ZNF358: variants seen among roughly 807,000 people sequenced by gnomAD.
ZNF358 encodes zinc finger protein 358.
ZNF358 carries 1 observed loss-of-function variant against 2.1 expected under a neutral mutation model. The observed-to-expected ratio is 0.49, with a 90% CI of 0.17 to 2.30. The LOEUF (loss-of-function observed/expected upper bound fraction) is 2.30, where lower values mean the gene tolerates loss of function less well. Among genes scored for constraint, ZNF358 ranks in the 30% most tolerant of loss-of-function variants. The probability of loss-of-function intolerance (pLI) is 0.26; values close to 1 mark genes in which losing one functional copy is unlikely to be tolerated. For missense variants in ZNF358, 665 were observed against 806.8 expected (o/e 0.82, Z 2.13); for synonymous variants, 381 against 359.7 (o/e 1.06, Z -0.67).
chr19:7,516,623 C>T lies in ZNF358; in HGVS notation c.-39+374C>T, dbSNP rs775897750. ...GATTCGAGGTATTGTTCCCACCTCC[C>T]GCCTGGGGTCTGGAGTTCAGGAGGC... On this transcript the variant is annotated intron_variant, in intron 1 of 1. Coordinates refer to ENST00000597229, the MANE Select transcript of ZNF358 (RefSeq NM_018083.5). This position sits in a 1 kb window ranked among gnomAD's most constrained non-coding sequence, Gnocchi z 5.9. Among the ~76,000 whole-genome samples the T allele has an allele frequency of 4.6e-5, 7 of 151,868 alleles. No individual in the cohort carries two copies. The highest frequency in any genetic ancestry group is 6.6e-5 in the Admixed American group (1 of 15,266).
upstream of ZNF358, among the ~76,000 whole-genome samples, chr19:7,514,791 C>T (rs527679120): frequency 2.6e-5 from 4 of 152,284 alleles, no homozygotes; most frequent in African/African-American, 9.6e-5. Flanking sequence ...TGCCACCACG[C>T]CTGGCTAATC....
Position 7,519,682 on chromosome 19 carries a change from C to T in ZNF358, c.440C>T (p.Pro147Leu), listed in dbSNP as rs1356399025. 5.1e-6 allele frequency: 8 copies of T among 1,581,750 alleles called. No individual in the cohort carries two copies. The highest frequency in any genetic ancestry group is 6.0e-6 in the Non-Finnish European group (7 of 1,171,474). ...GCGGTGCTCCCCGCCCCCGCCAGCC[C>T]GCCCCGGCCCTTCTCCTGCCCGGAT... The part of the protein sequence containing the change: ...SPAVLPAPAS[P>L]PRPFSCPDCG... The change falls in exon 2 of 2, where the codon CCG (proline) becomes CTG (leucine). Residue 147 changes from proline (P) to leucine (L), a missense_variant. Pro to Leu is a moderately conservative substitution (Grantham distance 98). Coordinates refer to ENST00000597229, the MANE Select transcript of ZNF358 (RefSeq NM_018083.5).
chr19:7,519,293 C>T lies in ZNF358; in HGVS notation c.51C>T (p.Pro17=). 1.2e-6 allele frequency: 2 copies of T among 1,614,028 alleles called. No homozygotes were observed. The highest frequency in any genetic ancestry group is 1.7e-6 in the Non-Finnish European group (2 of 1,180,002). The change falls in exon 2 of 2, where the codon CCC becomes CCT. Residue 17 remains proline, a synonymous_variant. Coordinates refer to ENST00000597229, the MANE Select transcript of ZNF358 (RefSeq NM_018083.5). ...VRNPGHKGLR[P]VYEELDSDSE... Reference sequence around the variant, plus strand: ...ACCCAGGCCACAAAGGCCTGAGACCCGTTTATGAAGAGCTCGACTCTGACT... The same window carrying T: ...ACCCAGGCCACAAAGGCCTGAGACCTGTTTATGAAGAGCTCGACTCTGACT...
chr19:7,520,599 A>G lies in ZNF358; in HGVS notation c.1357A>G (p.Ser453Gly). ...TGTGCTCGGCTCTGGCTTGGGCCTC[A>G]GCCCTGGCACCAGCTCTGGCCGCAA... is the stretch of plus-strand genomic sequence containing the variant. ...VSVLGSGLGL[S>G]PGTSSGRNPD... Residue 453 changes from serine to glycine, a missense_variant, in exon 2 of 2, where the codon AGC becomes GGC. Ser to Gly is a moderately conservative substitution (Grantham distance 56). Transcript: ENST00000597229. The surrounding 1 kb of genome is among the most constrained non-coding windows in gnomAD (Gnocchi z 6.0). 7.0e-7 allele frequency: 1 copy of G among 1,429,954 alleles called. No homozygotes were observed. Among genetic ancestry groups the G allele is most frequent in the African/African-American group, 1.4e-5 (1 of 70,598 alleles). 88.6% of individuals were successfully genotyped at this position (1,429,954 alleles called of 1,614,324 possible).
chr19:7,514,047 A>G (rs2022305170), upstream of ZNF358: 2 of 152,230 alleles, frequency 1.3e-5, no homozygotes, highest in South Asian at 4.1e-4. Context: ...AGCCAGAGCT[A>G]TCTCTCTGAC....
chr19:7,514,148 C>T (rs1307910612), upstream of ZNF358: 1 of 152,314 alleles, frequency 6.6e-6, no homozygotes, highest in East Asian at 1.9e-4. Context: ...AGAATGAGCC[C>T]CCTGTGGCTC....
In ZNF358 at chr19:7,519,872, G is replaced by A. The variant is rs1239145660; in HGVS notation, c.630G>A (p.Ala210=). The A allele has an allele frequency of 1.3e-6, 2 of 1,530,832 alleles. No individual in the cohort carries two copies. Among genetic ancestry groups the A allele is most frequent in the Non-Finnish European group, 1.7e-6 (2 of 1,145,026 alleles). 94.8% of individuals were successfully genotyped at this position (1,530,832 alleles called of 1,614,324 possible). A position where few individuals can be genotyped will look rare whatever the true frequency, so the allele number is the denominator to read the frequency against. The change falls in exon 2 of 2, where the codon GCG becomes GCA. Residue 210 remains alanine (A), a synonymous_variant. Coordinates refer to ENST00000597229, the MANE Select transcript of ZNF358 (RefSeq NM_018083.5). ...IHTGARPYQC[A]ACGKAFGWRS... ...CTGGGGCGCGGCCGTACCAGTGCGC[G>A]GCCTGCGGCAAGGCCTTCGGCTGGC...
upstream of ZNF358, among the ~76,000 whole-genome samples, chr19:7,514,843 G>A (rs570600932): frequency 6.6e-6 from 1 of 152,282 alleles, no homozygotes; most frequent in Non-Finnish European, 1.5e-5. Flanking sequence ...ATGCTGGCCA[G>A]GCTGGTCTCA....
chr19:7,515,689 G>C (rs529083798), upstream of ZNF358, among the ~76,000 whole-genome samples: 3 of 152,190 alleles, frequency 2.0e-5, no homozygotes, highest in South Asian at 4.1e-4. Context: ...GACAGACACA[G>C]AGAGAGATAG....
chr19:7,518,324 G>A (rs1167227049), intron 1 of ZNF358, among the ~76,000 whole-genome samples: 3 of 152,042 alleles, frequency 2.0e-5, no homozygotes, highest in Middle Eastern at 6.8e-3. Flanking sequence ...AAGTGAGTGG[G>A]GTTTGGCCAG....
Position 7,520,351 on chromosome 19 carries a change from C to T in ZNF358, c.1109C>T (p.Ser370Leu), listed in dbSNP as rs759381942. The change falls in exon 2 of 2, where the codon TCG (serine) becomes TTG (leucine). Residue 370 changes from serine (S) to leucine (L), a missense_variant. This residue lies in a region of ZNF358 where 210 missense variants were observed against 350.8 expected (regional missense o/e 0.60). Transcript: ENST00000597229. The surrounding 1 kb of genome is among the most constrained non-coding windows in gnomAD (Gnocchi z 6.0). ...SALLQHLHVH[S>L]GERPYRCQLC... is the part of the protein sequence containing the mutation. ...CTGCTCCAGCACCTGCACGTGCATT[C>T]GGGCGAGCGTCCCTATCGCTGTCAG... is the stretch of plus-strand genomic sequence containing the variant. 1.2e-6 allele frequency: 2 copies of T among 1,612,328 alleles called. No individual in the cohort carries two copies. Among genetic ancestry groups the T allele is most frequent in the Non-Finnish European group, 1.7e-6 (2 of 1,179,686 alleles).
chr19:7,518,553 GAGAGAGAA>G (rs1377842652), intron 1 of ZNF358, among the ~76,000 whole-genome samples: 22 of 22,574 alleles, frequency 9.7e-4, no homozygotes, highest in African/African-American at 4.6e-3. Flanking sequence ...GAAAGAGAGA[GAGAGAGAA>G]AGAAAGAAAG....
Position 7,516,875 on chromosome 19 carries a change from C to T in ZNF358, c.-39+626C>T, listed in dbSNP as rs1467824397. Among the ~76,000 whole-genome samples, 5 of 152,106 alleles carry T rather than the reference C, an allele frequency of 3.3e-5. No individual in the cohort carries two copies. The highest frequency in any genetic ancestry group is 5.9e-5 in the Non-Finnish European group (4 of 68,002). ...TTAAGAGATGGGAATTCAGGGGGCT[C>T]CTTCCCCTGGAGGCAATCTAAGGGT... On this transcript the variant is annotated intron_variant, in intron 1 of 1. Coordinates refer to ENST00000597229, the MANE Select transcript of ZNF358 (RefSeq NM_018083.5). This position sits in a 1 kb window ranked among gnomAD's most constrained non-coding sequence, Gnocchi z 5.9.
chr19:7,518,551 G>GAA (rs1282400145), intron 1 of ZNF358, among the ~76,000 whole-genome samples: 40 of 133,828 alleles, frequency 3.0e-4, no homozygotes, highest in South Asian at 2.7e-3. Flanking sequence ...AAGAAAGAGA[G>GAA]AGAGAGAGAA....
At chr19:7,517,393 T>C (rs1235290307) in intron 1 of ZNF358, among the ~76,000 whole-genome samples, 1 of 152,084 alleles carries the variant, frequency 6.6e-6, no homozygotes, top group African/African-American at 2.4e-5. Context: ...ATCCTCCAGC[T>C]AGAAGTTAAA....
Position 7,520,976 on chromosome 19 carries a change from T to C in ZNF358, c.*27T>C. 1 of 1,604,434 alleles carries C rather than the reference T, an allele frequency of 6.2e-7. No individual in the cohort carries two copies. Among genetic ancestry groups the C allele is most frequent in the Non-Finnish European group, 8.5e-7 (1 of 1,174,314 alleles). ...GGAGACGCCGGCATCCTCGGGGGCCTGGGGAAGTTGTGTGTTGTGCAGTCA... is the reference window on the plus strand; with the variant it reads ...GGAGACGCCGGCATCCTCGGGGGCCCGGGGAAGTTGTGTGTTGTGCAGTCA... On this transcript the variant is annotated 3_prime_UTR_variant, in exon 2 of 2. Coordinates refer to ENST00000597229, the MANE Select transcript of ZNF358 (RefSeq NM_018083.5). The surrounding 1 kb of genome is among the most constrained non-coding windows in gnomAD (Gnocchi z 6.0).
chr19:7,513,926 G>C (rs890639187), upstream of ZNF358: 8 of 152,060 alleles, frequency 5.3e-5, no homozygotes, highest in African/African-American at 1.9e-4. Flanking sequence ...GCAAAGAACA[G>C]ACATCCACTA....
intron 1 of ZNF358, among the ~76,000 whole-genome samples, chr19:7,518,300 A>G (rs1467755332): frequency 2.0e-5 from 3 of 152,076 alleles, no homozygotes; most frequent in African/African-American, 7.2e-5. Flanking sequence ...GGAAGGATCC[A>G]CGTGTATGCT....
upstream of ZNF358, among the ~76,000 whole-genome samples, chr19:7,514,705 T>C (rs2022312971): frequency 6.6e-6 from 1 of 152,232 alleles, no homozygotes; most frequent in Non-Finnish European, 1.5e-5. Flanking sequence ...CAATCTCGGC[T>C]CACTGCAACC....
Sources: allele counts gnomAD v4.1 joint callset (sites outside exome capture counted in the v4.1 genomes callset), GRCh38; gene constraint gnomAD v4.1.1; regional missense constraint gnomAD v4.1.1; non-coding constraint Gnocchi (gnomAD v3.1); transcripts MANE v1.5; gene names NCBI Gene and HGNC (gene_info 2026-07-23, HGNC 2026-07-21).